Variants in ANK1 observed in about 807,000 individuals in gnomAD.
ANK1 encodes ankyrin-1.
Under a neutral mutation model 210.4 loss-of-function variants are expected in ANK1, and 51 were observed. That is an observed-to-expected ratio of 0.24 (90% CI 0.19 to 0.31). The LOEUF (loss-of-function observed/expected upper bound fraction) is 0.31, where lower values mean the gene tolerates loss of function less well. ANK1 is among the 10% of genes least tolerant of loss of function. ANK1 has a pLI of 1.00. For synonymous variants in ANK1, 967 were observed against 1,025.9 expected, an observed-to-expected ratio of 0.94 and a Z score of 1.10; for missense variants, 2,051 against 2,504.4, an observed-to-expected ratio of 0.82 and a Z score of 3.86.
At chr8:41,716,080 A>G (rs1331613078) in intron 13 of ANK1, among the ~76,000 whole-genome samples, 1 of 152,066 alleles carries the variant, frequency 6.6e-6, no homozygotes, top group Non-Finnish European at 1.5e-5. Context: ...TGTTATTTCT[A>G]CCTTATTTCC....
chr8:41,706,217 C>G lies in ANK1; in HGVS notation c.2023G>C (p.Val675Leu). ...ACTGGAACGTGGCCTTCTTGTGCTA[C>G]CAGATGGAGGGGAGTGAGTCCGCTC... ...NKSGLTPLHLVAQEGHVPVAD... is the reference protein window; with the variant it reads ...NKSGLTPLHLLAQEGHVPVAD... Residue 675 changes from valine to leucine, a missense_variant, in exon 18 of 43, where the codon GTA becomes CTA. Val to Leu is a conservative substitution (Grantham distance 32). Around this residue, in one of 6 missense-constraint regions of ANK1, gnomAD observed 1,413 missense variants for 1,707.4 expected, o/e 0.83. Coordinates refer to ENST00000289734, the MANE Select transcript of ANK1 (RefSeq NM_000037.4). 2 of 1,614,146 alleles carry G rather than the reference C, an allele frequency of 1.2e-6. No individual in the cohort carries two copies. Among genetic ancestry groups the G allele is most frequent in the Non-Finnish European group, 1.7e-6 (2 of 1,180,010 alleles).
At chr8:41,718,047 G>A in intron 11 of ANK1, 59 bp downstream of exon 11, 1 of 1,527,194 alleles carries the variant, frequency 6.5e-7, no homozygotes, top group Non-Finnish European at 9.0e-7. Flanking sequence ...GACTCTTGGA[G>A]AAGGTGGGTC....
At chr8:41,765,202 C>T (rs1163027504) in intron 1 of ANK1, among the ~76,000 whole-genome samples, 1 of 144,248 alleles carries the variant, frequency 6.9e-6, no homozygotes, top group African/African-American at 2.6e-5. Context: ...TTTTCTTTCT[C>T]TTTTTTTCTC....
chr8:41,695,545 G>A (rs1381057328), intron 26 of ANK1, among the ~76,000 whole-genome samples: 3 of 152,250 alleles, frequency 2.0e-5, no homozygotes, highest in Admixed American at 2.0e-4. Flanking sequence ...CAGGCCTGCA[G>A]TGACAGTGAG....
intron 1 of ANK1, among the ~76,000 whole-genome samples, chr8:41,766,431 A>G (rs558453222): frequency 2.0e-5 from 3 of 152,338 alleles, no homozygotes; most frequent in South Asian, 4.1e-4. Context: ...CAGCTTTACA[A>G]ACTGTCTCCA....
rs1833667382 is a variant in ANK1, at chr8:41,737,257, C to G, written c.130-3188G>C. ...AAGGTTGCAGCAAGCAGAGATCACA[C>G]CACTGAATTCCAGCCTGGGTGACAG... is the stretch of plus-strand genomic sequence containing the variant. On this transcript the variant is annotated intron_variant, in intron 2 of 42. Transcript: ENST00000289734. Among the ~76,000 whole-genome samples, 4 of 152,282 alleles carry G rather than the reference C, an allele frequency of 2.6e-5. No individual in the cohort carries two copies. The South Asian group carries it at 8.3e-4, about 32-fold the overall frequency.
chr8:41,836,165 C>G (rs142789588), intron 1 of ANK1, among the ~76,000 whole-genome samples: 277 of 152,368 alleles, frequency 1.8e-3, no homozygotes, highest in African/African-American at 6.4e-3. Flanking sequence ...GGCCGGAAGT[C>G]CCCCAGAACC....
chr8:41,658,798 C>T (rs1040930460), intron 42 of ANK1, among the ~76,000 whole-genome samples: 2 of 152,142 alleles, frequency 1.3e-5, no homozygotes, highest in African/African-American at 4.8e-5. Context: ...GAGGCTGAGG[C>T]AGGAAGATCA....
intron 8 of ANK1, 108 bp from the exon 9 acceptor site, chr8:41,723,331 T>C: frequency 7.8e-7 from 1 of 1,284,190 alleles, no homozygotes; most frequent in Non-Finnish European, 1.1e-6. Flanking sequence ...GTGCTGACGT[T>C]TCCTCAAGCA....
intron 1 of ANK1, among the ~76,000 whole-genome samples, chr8:41,883,428 G>A (rs954774987): frequency 6.0e-5 from 9 of 150,316 alleles, no homozygotes; most frequent in African/African-American, 9.9e-5. Context: ...AACAGGTACC[G>A]AGAAGGATCT....
At chr8:41,701,039 G>A (rs1822627680) in intron 22 of ANK1, among the ~76,000 whole-genome samples, 1 of 152,130 alleles carries the variant, frequency 6.6e-6, no homozygotes, top group Non-Finnish European at 1.5e-5. Flanking sequence ...AAAGTTCTGG[G>A]ATTACAGGCA....
intron 1 of ANK1, among the ~76,000 whole-genome samples, chr8:41,803,080 G>GGAAGGGAAGGAAAGGAAAGGA (rs1554631046): frequency 2.2e-5 from 1 of 46,180 alleles, no homozygotes; most frequent in Non-Finnish European, 4.2e-5. Flanking sequence ...AGGAAGGAAG[G>GGAAGGGAAGGAAAGGAAAGGA]AAGGGAAGGA....
chr8:41,862,772 G>T (rs538063961), intron 1 of ANK1, among the ~76,000 whole-genome samples: 1 of 152,056 alleles, frequency 6.6e-6, no homozygotes. Context: ...CACTTTGAGA[G>T]GCTGAGGCAG....
intron 2 of ANK1, among the ~76,000 whole-genome samples, chr8:41,754,340 G>C (rs1480348705): frequency 6.6e-6 from 1 of 152,196 alleles, no homozygotes; most frequent in Non-Finnish European, 1.5e-5. Context: ...CTTTTCTGTA[G>C]ACATGGTAAT....
chr8:41,855,549 G>A (rs1285186271), intron 1 of ANK1, among the ~76,000 whole-genome samples: 1 of 152,154 alleles, frequency 6.6e-6, no homozygotes, highest in African/African-American at 2.4e-5. Flanking sequence ...GAGCCACTGC[G>A]GGCTGTCTGT....
chr8:41,795,270 T>C (rs984301982), intron 1 of ANK1, among the ~76,000 whole-genome samples: 2 of 152,024 alleles, frequency 1.3e-5, no homozygotes, highest in African/African-American at 4.8e-5. Flanking sequence ...GCCGGCACTT[T>C]GGGAGGCTGA....
Position 41,653,922 on chromosome 8 carries a change from C to A in ANK1, c.*1868G>T, listed in dbSNP as rs1804865159. On this transcript the variant is annotated 3_prime_UTR_variant, in exon 43 of 43. Transcript: ENST00000289734. ...CCCGGCCGACAAGGCGCCTAGGCCG[C>A]CCCGGGGCCTGCCTGGCCGGGGGTG... 2 of 152,200 alleles carry A rather than the reference C, an allele frequency of 1.3e-5. No individual in the cohort carries two copies. 9.4% of individuals were successfully genotyped at this position (152,200 alleles called of 1,614,324 possible). A position where few individuals can be genotyped will look rare whatever the true frequency, so the allele number is the denominator to read the frequency against.
chr8:41,790,692 G>A (rs1004496585), intron 1 of ANK1, among the ~76,000 whole-genome samples: 7 of 152,138 alleles, frequency 4.6e-5, no homozygotes, highest in Admixed American at 4.6e-4. Context: ...TTAAATGCAT[G>A]CAATTAATAG....
intron 1 of ANK1, among the ~76,000 whole-genome samples, chr8:41,832,423 C>T (rs997624809): frequency 2.6e-5 from 4 of 152,148 alleles, no homozygotes; most frequent in East Asian, 1.9e-4. Context: ...TAAAGGTTTA[C>T]AGCCAGCAGG....
Sources: gnomAD v4.1 joint callset for allele counts (sites outside exome capture counted in the v4.1 genomes callset) on GRCh38, gnomAD v4.1.1 for gene constraint, gnomAD v4.1.1 regional missense constraint, MANE v1.5 for transcripts, NCBI Gene and HGNC (gene_info 2026-07-23, HGNC 2026-07-21) for gene names.